The following CTNND2 variants were observed in gnomAD, a reference collection of about 807,000 sequenced individuals.
CTNND2 encodes the protein catenin delta 2.
Under a neutral mutation model 144.4 loss-of-function variants are expected in CTNND2, and 22 were observed. That is an observed-to-expected ratio of 0.15 (90% CI 0.11 to 0.22). The LOEUF (loss-of-function observed/expected upper bound fraction) is 0.22. CTNND2 is among the 10% of genes least tolerant of loss of function. The pLI is 1.00. For missense variants in CTNND2, 1,353 were observed against 1,618.8 expected, an observed-to-expected ratio of 0.84 and a Z score of 2.82; for synonymous variants, 751 against 695.6, an observed-to-expected ratio of 1.08 and a Z score of -1.25.
chr5:11,833,310 G>T (rs900943872), intron 1 of CTNND2, among the ~76,000 whole-genome samples: 1 of 152,070 alleles, frequency 6.6e-6, no homozygotes, highest in Admixed American at 6.5e-5. Flanking sequence ...AATGTACTGT[G>T]ATGTATGATA....
chr5:11,557,476 G>A (rs1776321585), intron 3 of CTNND2, among the ~76,000 whole-genome samples: 1 of 152,120 alleles, frequency 6.6e-6, no homozygotes, highest in African/African-American at 2.4e-5. Flanking sequence ...TCCTCAGCAT[G>A]TAAATGCCAT....
At chr5:11,069,693 C>CAG (rs3032076) in intron 16 of CTNND2, among the ~76,000 whole-genome samples, 3 of 120,788 alleles carry the variant, frequency 2.5e-5, no homozygotes, top group Non-Finnish European at 5.2e-5. Flanking sequence ...GACAGAGAGA[C>CAG]AGAGAGAGAG....
chr5:11,508,982 G>A (rs1055234205), intron 3 of CTNND2, among the ~76,000 whole-genome samples: 3 of 152,122 alleles, frequency 2.0e-5, no homozygotes, highest in African/African-American at 7.2e-5. Context: ...TAATATTAAT[G>A]TTTGTATGGA....
chr5:11,630,924 A>C (rs910632008), intron 2 of CTNND2, among the ~76,000 whole-genome samples: 1 of 151,844 alleles, frequency 6.6e-6, no homozygotes, highest in African/African-American at 2.4e-5. Context: ...ACTGCACCCC[A>C]GCATGGGCAA....
At chr5:11,647,376 C>T (rs577237758) in intron 2 of CTNND2, among the ~76,000 whole-genome samples, 6 of 152,212 alleles carry the variant, frequency 3.9e-5, no homozygotes, top group South Asian at 2.1e-4. Flanking sequence ...GGAGAATCCA[C>T]GCTGTGTGGA....
At chr5:11,902,191 G>C (rs745485381) in intron 1 of CTNND2, among the ~76,000 whole-genome samples, 13 of 152,180 alleles carry the variant, frequency 8.5e-5, no homozygotes, top group Non-Finnish European at 1.3e-4. Context: ...GGAACCCACA[G>C]ATCAGTAATG....
At chr5:11,759,310 T>C (rs1016327190) in intron 1 of CTNND2, among the ~76,000 whole-genome samples, 3 of 152,068 alleles carry the variant, frequency 2.0e-5, no homozygotes, top group Non-Finnish European at 2.9e-5. Flanking sequence ...CTGTCTATTA[T>C]GAAAACCTTA....
At chr5:11,267,487 A>G (rs112490131) in intron 9 of CTNND2, among the ~76,000 whole-genome samples, 1 of 152,326 alleles carries the variant, frequency 6.6e-6, no homozygotes, top group Admixed American at 6.5e-5. Flanking sequence ...TGGGACACAG[A>G]TAAATGAGCC....
In CTNND2 at chr5:11,553,463, A is replaced by G. The variant is rs79569507; in HGVS notation, c.287+11481T>C. Among the ~76,000 whole-genome samples, 262 of 152,348 alleles carry G rather than the reference A, an allele frequency of 1.7e-3. 2 individuals carry two copies. The highest frequency in any genetic ancestry group is 6.2e-3 in the African/African-American group (256 of 41,594). On this transcript the variant is annotated intron_variant, in intron 3 of 21. Coordinates refer to ENST00000304623, the MANE Select transcript of CTNND2 (RefSeq NM_001332.4). ...TCATCAAAAAGGGAAAATACACATG[A>G]TTCACTCATAACAGTTGGTATGTGA...
intron 18 of CTNND2, among the ~76,000 whole-genome samples, chr5:11,011,421 T>C (rs1215659314): frequency 6.6e-6 from 1 of 152,130 alleles, no homozygotes; most frequent in Non-Finnish European, 1.5e-5. Flanking sequence ...TTTACCATGT[T>C]GGCCAGGCTG....
At chr5:11,761,167 C>T (rs977780874) in intron 1 of CTNND2, among the ~76,000 whole-genome samples, 1 of 152,154 alleles carries the variant, frequency 6.6e-6, no homozygotes, top group East Asian at 1.9e-4. Context: ...GTAACTGTGT[C>T]TGCACACGGC....
At chr5:11,521,798 G>A in intron 3 of CTNND2, among the ~76,000 whole-genome samples, 2 of 152,318 alleles carry the variant, frequency 1.3e-5, no homozygotes, top group South Asian at 4.1e-4. Context: ...TTGAGTGAAT[G>A]ATGCATAGCC....
At chr5:11,883,340 C>T (rs1736268850) in intron 1 of CTNND2, among the ~76,000 whole-genome samples, 1 of 152,132 alleles carries the variant, frequency 6.6e-6, no homozygotes, top group Admixed American at 6.5e-5. Context: ...TACCGCCCCA[C>T]ACCCTGACAG....
At chr5:11,790,834 T>A (rs1051595541) in intron 1 of CTNND2, among the ~76,000 whole-genome samples, 1 of 152,158 alleles carries the variant, frequency 6.6e-6, no homozygotes, top group Non-Finnish European at 1.5e-5. Context: ...GGAGCCCACA[T>A]AGCAATTGTC....
At chr5:11,008,858 C>T (rs1264655135) in intron 18 of CTNND2, among the ~76,000 whole-genome samples, 2 of 152,146 alleles carry the variant, frequency 1.3e-5, no homozygotes, top group Non-Finnish European at 2.9e-5. Context: ...ATGTAAAGAC[C>T]TTCACCATGA....
At chr5:11,688,189 G>C (rs7722663) in intron 2 of CTNND2, among the ~76,000 whole-genome samples, 19,062 of 152,064 alleles carry the variant, frequency 0.13, 3,979 homozygotes, top group African/African-American at 0.43. Context: ...GAAGTTTCAA[G>C]CCAATCTTCC....
At chr5:11,873,650 T>C (rs1321287664) in intron 1 of CTNND2, among the ~76,000 whole-genome samples, 1 of 152,240 alleles carries the variant, frequency 6.6e-6, no homozygotes, top group Non-Finnish European at 1.5e-5. Flanking sequence ...GCATCCACTT[T>C]ACTGCTAGTG....
At chr5:11,495,490 T>C (rs1769846878) in intron 3 of CTNND2, among the ~76,000 whole-genome samples, 1 of 152,184 alleles carries the variant, frequency 6.6e-6, no homozygotes, top group African/African-American at 2.4e-5. Context: ...AGGCTAATTC[T>C]AAAGGACTCA....
At chr5:10,989,423 T>G (rs972870291) in intron 19 of CTNND2, among the ~76,000 whole-genome samples, 4 of 152,222 alleles carry the variant, frequency 2.6e-5, no homozygotes, top group African/African-American at 9.6e-5. Context: ...GAGTCTGAAT[T>G]TTCAGTGACG....
Sources: gnomAD v4.1 joint callset for allele counts (sites outside exome capture counted in the v4.1 genomes callset) on GRCh38, gnomAD v4.1.1 for gene constraint, MANE v1.5 for transcripts, NCBI Gene and HGNC (gene_info 2026-07-23, HGNC 2026-07-21) for gene names.